Variants in NAPG observed in about 807,000 individuals in gnomAD.
NAPG encodes gamma-soluble NSF attachment protein.
Under a neutral mutation model 48.4 loss-of-function variants are expected in NAPG, and 25 were observed. The ratio of observed to expected loss-of-function variants is 0.52; its 90% CI spans 0.38 to 0.72. The LOEUF (loss-of-function observed/expected upper bound fraction) is 0.72, where lower values mean the gene tolerates loss of function less well. NAPG is among the 30% of genes least tolerant of loss of function. The pLI is 0.00. For missense variants in NAPG, 359 were observed against 372.5 expected, an observed-to-expected ratio of 0.96 and a Z score of 0.30; for synonymous variants, 139 against 127.2, an observed-to-expected ratio of 1.09 and a Z score of -0.62.
In NAPG at chr18:10,551,021, TCTCA is replaced by T. The variant is rs1405452730; in HGVS notation, c.*805_*808del. On this transcript the variant is annotated 3_prime_UTR_variant, in exon 12 of 12. Coordinates refer to ENST00000322897, the MANE Select transcript of NAPG (RefSeq NM_003826.3). ...TGTTTTTTGTTTTTTTTTTTAAGGGTCTCACTCTTTTGCCCAGGCTGGAGTGCAG... is the reference window on the plus strand; with the variant it reads ...TGTTTTTTGTTTTTTTTTTTAAGGGTCTCTTTTGCCCAGGCTGGAGTGCAG... 4.6e-5 allele frequency: 7 copies of T among 151,740 alleles called. No individual in the cohort carries two copies. The highest frequency in any genetic ancestry group is 8.8e-5 in the Non-Finnish European group (6 of 67,936). The allele number at this position is 151,740 out of a possible 1,614,324, so 9.4% of individuals were successfully genotyped here.
At chr18:10,549,158 GATT>G in intron 11 of NAPG, 62 bp downstream of exon 11, 2 of 1,537,650 alleles carry the variant, frequency 1.3e-6, no homozygotes, top group South Asian at 2.5e-5. Flanking sequence ...TTTCTAGTGA[GATT>G]ATTTTTTACC....
chr18:10,536,103 AC>A (rs1233801067), intron 5 of NAPG, among the ~76,000 whole-genome samples: 1 of 152,204 alleles, frequency 6.6e-6, no homozygotes, highest in Non-Finnish European at 1.5e-5. Context: ...CAACAGCTGT[AC>A]TAAGACTTGA....
At chr18:10,545,533 A>C (rs2032245296) in intron 8 of NAPG, among the ~76,000 whole-genome samples, 1 of 152,086 alleles carries the variant, frequency 6.6e-6, no homozygotes, top group South Asian at 2.1e-4. Context: ...GTGGCTAAAG[A>C]CTGTACATTT....
chr18:10,526,910 C>G (rs1347535890), intron 1 of NAPG: 1 of 152,294 alleles, frequency 6.6e-6, no homozygotes, highest in African/African-American at 2.4e-5. Context: ...GCATTGTGGG[C>G]CGGGCGCGGT....
intron 8 of NAPG, among the ~76,000 whole-genome samples, chr18:10,541,221 A>G (rs560969548): frequency 6.6e-6 from 1 of 152,214 alleles, no homozygotes; most frequent in South Asian, 2.1e-4. Context: ...ACTATTAAAC[A>G]ATCTCATTTA....
chr18:10,548,928 A>G lies in NAPG; in HGVS notation c.666-39A>G, dbSNP rs756789395. On this transcript the variant is annotated intron_variant, in intron 10 of 11. Transcript: ENST00000322897. This position sits in a 1 kb window ranked among gnomAD's most constrained non-coding sequence, Gnocchi z 4.4. ...ATCCCTGCCTGAGATGTGTTCTTTT[A>G]AGGAGAAGGTGAAGACGTGTGATTT... is the stretch of plus-strand genomic sequence containing the variant. The G allele has an allele frequency of 6.3e-7, 1 of 1,599,684 alleles. No individual in the cohort carries two copies. Among genetic ancestry groups the G allele is most frequent in the Non-Finnish European group, 8.5e-7 (1 of 1,170,356 alleles).
At position 10,532,747 on chromosome 18, in the gene NAPG, C is replaced by T; in HGVS notation, c.161C>T (p.Ala54Val). The T allele has an allele frequency of 6.3e-7, 1 of 1,592,464 alleles. No homozygotes were observed. Among genetic ancestry groups the T allele is most frequent in the Non-Finnish European group, 8.6e-7 (1 of 1,168,146 alleles). The change falls in exon 3 of 12, where the codon GCA (alanine) becomes GTA (valine). Residue 54 changes from alanine to valine, a missense_variant. Transcript: ENST00000322897. ...AFKNAKQFEQ[A>V]KDACLREAVA... ...AAAAATGCCAAACAGTTTGAGCAAG[C>T]AAAAGATGCCTGCCTGAGGGAAGCT...
Position 10,548,242 on chromosome 18 carries a change from G to C in NAPG, c.586-57G>C. 1 of 1,289,922 alleles carries C rather than the reference G, an allele frequency of 7.8e-7. No homozygotes were observed. Among genetic ancestry groups the C allele is most frequent in the Admixed American group, 1.7e-5 (1 of 59,056 alleles). The allele number at this position is 1,289,922 out of a possible 1,614,324, so 79.9% of individuals were successfully genotyped here. The stretch of plus-strand genomic sequence containing the variant: ...CTCCAGGTGTTTTCAATACTGCCAG[G>C]TTATTGACTTTATTAAACAGATGTA... On this transcript the variant is annotated intron_variant, in intron 9 of 11. Coordinates refer to ENST00000322897, the MANE Select transcript of NAPG (RefSeq NM_003826.3). This position sits in a 1 kb window ranked among gnomAD's most constrained non-coding sequence, Gnocchi z 4.4.
Position 10,539,769 on chromosome 18 carries a change from A to G in NAPG, c.266A>G (p.Gln89Arg). The change falls in exon 6 of 12, where the codon CAG (glutamine) becomes CGG (arginine). Residue 89 changes from glutamine (Q) to arginine (R), a missense_variant. By Grantham distance (43) the Gln-to-Arg change is conservative. Transcript: ENST00000322897. The surrounding 1 kb of genome is among the most constrained non-coding windows in gnomAD (Gnocchi z 4.7). ...EQAGMMLKEM[Q>R]KLPEAVQLIE... The stretch of plus-strand genomic sequence containing the variant: ...TGTATCCTTTGCCCAAAGGAGATGC[A>G]GAAACTACCAGAGGCCGTTCAGCTA... 4 of 1,614,000 alleles carry G rather than the reference A, an allele frequency of 2.5e-6. No individual in the cohort carries two copies. The highest frequency in any genetic ancestry group is 1.1e-5 in the South Asian group (1 of 91,084).
At chr18:10,528,572 C>G (rs2031866735) in intron 1 of NAPG, among the ~76,000 whole-genome samples, 1 of 152,136 alleles carries the variant, frequency 6.6e-6, no homozygotes, top group South Asian at 2.1e-4. Context: ...TGGTGATGGC[C>G]TGAATTCAAA....
Position 10,548,235 on chromosome 18 carries a change from C to A in NAPG, c.586-64C>A. On this transcript the variant is annotated intron_variant, in intron 9 of 11. Transcript: ENST00000322897. This position sits in a 1 kb window ranked among gnomAD's most constrained non-coding sequence, Gnocchi z 4.4. Reference sequence around the variant, plus strand: ...AGTTAAACTCCAGGTGTTTTCAATACTGCCAGGTTATTGACTTTATTAAAC... The same window carrying A: ...AGTTAAACTCCAGGTGTTTTCAATAATGCCAGGTTATTGACTTTATTAAAC... 8.3e-7 allele frequency: 1 copy of A among 1,205,390 alleles called. No homozygotes were observed. Among genetic ancestry groups the A allele is most frequent in the Non-Finnish European group, 1.2e-6 (1 of 813,308 alleles). 74.7% of individuals were successfully genotyped at this position (1,205,390 alleles called of 1,614,324 possible).
At position 10,546,031 on chromosome 18, in the gene NAPG, C is replaced by G. The variant is rs989280281; in HGVS notation, c.507-295C>G. The stretch of plus-strand genomic sequence containing the variant: ...TCTCAAGTACGTATCACGAAGAAGT[C>G]GTGACACTCGCTATTGGACAGTCCT... On this transcript the variant is annotated intron_variant, in intron 8 of 11. Transcript: ENST00000322897. The surrounding 1 kb of genome is among the most constrained non-coding windows in gnomAD (Gnocchi z 4.0). Among the ~76,000 whole-genome samples, 1 of 152,170 alleles carries G rather than the reference C, an allele frequency of 6.6e-6. No homozygotes were observed. Among genetic ancestry groups the G allele is most frequent in the South Asian group, 2.1e-4 (1 of 4,832 alleles).
chr18:10,551,331 GTTTAT>G lies in NAPG; in HGVS notation c.*1120_*1124del. 6.6e-6 allele frequency: 1 copy of G among 152,130 alleles called. No individual in the cohort carries two copies. 9.4% of individuals were successfully genotyped at this position (152,130 alleles called of 1,614,324 possible). ...CCCTCCAAAACAGTTTATTTTGATT[GTTTAT>G]TTTATTTTGATTGTAACTCCGTCAT... On this transcript the variant is annotated 3_prime_UTR_variant, in exon 12 of 12. Transcript: ENST00000322897.
chr18:10,542,156 A>G lies in NAPG; in HGVS notation c.506+1757A>G, dbSNP rs926545011. Among the ~76,000 whole-genome samples, 11 of 152,070 alleles carry G rather than the reference A, an allele frequency of 7.2e-5. No individual in the cohort carries two copies. Among genetic ancestry groups the G allele is most frequent in the Non-Finnish European group, 1.6e-4 (11 of 68,014 alleles). On this transcript the variant is annotated intron_variant, in intron 8 of 11. Coordinates refer to ENST00000322897, the MANE Select transcript of NAPG (RefSeq NM_003826.3). This position sits in a 1 kb window ranked among gnomAD's most constrained non-coding sequence, Gnocchi z 4.5. ...TAGTTGAGTGAGCAGCAGAAGTGAGAATGCTGCGTAGATGTGCTCAAAGGG... is the reference window on the plus strand; with the variant it reads ...TAGTTGAGTGAGCAGCAGAAGTGAGGATGCTGCGTAGATGTGCTCAAAGGG...
chr18:10,535,129 T>G (rs1353989623), intron 5 of NAPG, among the ~76,000 whole-genome samples: 1 of 152,200 alleles, frequency 6.6e-6, no homozygotes, highest in African/African-American at 2.4e-5. Context: ...TTTAAAAATG[T>G]TTTTTTCTAA....
At position 10,545,261 on chromosome 18, in the gene NAPG, G is replaced by A. The variant is rs533693366; in HGVS notation, c.507-1065G>A. Among the ~76,000 whole-genome samples, 20 of 152,172 alleles carry A rather than the reference G, an allele frequency of 1.3e-4. No homozygotes were observed. The South Asian group carries it at 3.9e-3, about 30-fold the overall frequency. Reference sequence around the variant, plus strand: ...CGGGAGGCAGAGGTTGCGGTGAGCCGAGATGTCGCCACTGCACTCCAGCCT... The same window carrying A: ...CGGGAGGCAGAGGTTGCGGTGAGCCAAGATGTCGCCACTGCACTCCAGCCT... On this transcript the variant is annotated intron_variant, in intron 8 of 11. Coordinates refer to ENST00000322897, the MANE Select transcript of NAPG (RefSeq NM_003826.3).
chr18:10,548,870 C>T lies in NAPG; in HGVS notation c.666-97C>T. ...CCCACACTTTTAAGTACCAAAATGTCTCCAGACAGTGTCACATGCCAGGGG... is the reference window on the plus strand; with the variant it reads ...CCCACACTTTTAAGTACCAAAATGTTTCCAGACAGTGTCACATGCCAGGGG... On this transcript the variant is annotated intron_variant, in intron 10 of 11. Transcript: ENST00000322897. The surrounding 1 kb of genome is among the most constrained non-coding windows in gnomAD (Gnocchi z 4.4). 6.9e-7 allele frequency: 1 copy of T among 1,451,724 alleles called. No homozygotes were observed. Among genetic ancestry groups the T allele is most frequent in the African/African-American group, 1.4e-5 (1 of 71,202 alleles). The allele number at this position is 1,451,724 out of a possible 1,614,324, so 89.9% of individuals were successfully genotyped here.
At position 10,552,040 on chromosome 18, in the gene NAPG, A is replaced by T. The variant is rs941026943; in HGVS notation, c.*1820A>T. 2.0e-5 allele frequency: 3 copies of T among 152,190 alleles called. No homozygotes were observed. The highest frequency in any genetic ancestry group is 2.0e-4 in the Admixed American group (3 of 15,272). The allele number at this position is 152,190 out of a possible 1,614,324, so 9.4% of individuals were successfully genotyped here. A position where few individuals can be genotyped will look rare whatever the true frequency, so the allele number is the denominator to read the frequency against. On this transcript the variant is annotated 3_prime_UTR_variant, in exon 12 of 12. Transcript: ENST00000322897. ...CGGAAACTTCTGGAGTCTTACATTA[A>T]TGCTCATTTGAGCTAATTAGTAATC...
intron 9 of NAPG, among the ~76,000 whole-genome samples, chr18:10,547,127 G>GC (rs1445932128): frequency 3.9e-5 from 6 of 152,232 alleles, no homozygotes; most frequent in Non-Finnish European, 7.3e-5. Context: ...AGCTTGGAGA[G>GC]CTAAGATTTC....
Sources: allele counts gnomAD v4.1 joint callset (sites outside exome capture counted in the v4.1 genomes callset), GRCh38; gene constraint gnomAD v4.1.1; non-coding constraint Gnocchi (gnomAD v3.1); transcripts MANE v1.5; gene names NCBI Gene and HGNC (gene_info 2026-07-23, HGNC 2026-07-21).